Variants in ITGA3 observed in about 807,000 individuals in gnomAD.
The protein encoded by ITGA3 is integrin subunit alpha 3, also known as integrin alpha-3.
In ITGA3, 70 loss-of-function variants were observed where a neutral mutation model predicts 131.1. That is an observed-to-expected ratio of 0.53 (90% confidence interval 0.44 to 0.65). The LOEUF is 0.65. ITGA3 is among the 30% of genes least tolerant of loss of function. ITGA3 has a pLI of 0.00. For missense variants in ITGA3, 1,098 were observed against 1,388.6 expected, an observed-to-expected ratio of 0.79 and a Z score of 3.33; for synonymous variants, 537 against 571.6, an observed-to-expected ratio of 0.94 and a Z score of 0.86.
intron 6 of ITGA3, 199 bp from the exon 7 acceptor site, chr17:50,071,787 G>T (rs1045164391): frequency 6.8e-5 from 42 of 619,366 alleles, no homozygotes; most frequent in Non-Finnish European, 1.1e-5. Flanking sequence ...GCGTCTCCAT[G>T]ACATATGTCT....
At chr17:50,080,986 T>C (rs1357195418) in intron 22 of ITGA3, 2 of 310,406 alleles carry the variant, frequency 6.4e-6, no homozygotes, top group Non-Finnish European at 1.2e-5. Context: ...GACAAATGAA[T>C]GGGTGTGGCC....
At chr17:50,061,989 G>A (rs1245597347) in intron 1 of ITGA3, among the ~76,000 whole-genome samples, 2 of 147,784 alleles carry the variant, frequency 1.4e-5, no homozygotes, top group East Asian at 2.0e-4. Context: ...GCAGTGAGCC[G>A]AGGTTGTGCC....
In ITGA3 at chr17:50,056,562, A is replaced by G; in HGVS notation, c.123A>G (p.Val41=). 1.3e-6 allele frequency: 2 copies of G among 1,573,704 alleles called. No individual in the cohort carries two copies. The highest frequency in any genetic ancestry group is 8.6e-7 in the Non-Finnish European group (1 of 1,160,570). Reference sequence around the variant, plus strand: ...TCAACCTGGATACCCGATTCCTGGTAGTGAAGGAGGCCGGGAACCCGGGCA... The same window carrying G: ...TCAACCTGGATACCCGATTCCTGGTGGTGAAGGAGGCCGGGAACCCGGGCA... ...SAFNLDTRFL[V]VKEAGNPGSL... The change falls in exon 1 of 26, where the codon GTA becomes GTG. Residue 41 remains valine (V), a synonymous_variant. Coordinates refer to ENST00000320031, the MANE Select transcript of ITGA3 (RefSeq NM_002204.4). The surrounding 1 kb of genome is among the most constrained non-coding windows in gnomAD (Gnocchi z 5.6).
intron 1 of ITGA3, among the ~76,000 whole-genome samples, chr17:50,062,784 G>A (rs1375658185): frequency 1.3e-5 from 2 of 152,266 alleles, no homozygotes; most frequent in African/African-American, 4.8e-5. Flanking sequence ...CTGGCAGGAG[G>A]CCCAGAGCCC....
At chr17:50,080,456 T>C (rs1402626072) in intron 22 of ITGA3, 81 bp downstream of exon 22, 6 of 644,182 alleles carry the variant, frequency 9.3e-6, no homozygotes, top group Non-Finnish European at 1.0e-5. Flanking sequence ...TCCAGGGTCA[T>C]AGCATGGGTG....
chr17:50,070,082 C>T (rs1908554319), intron 4 of ITGA3, among the ~76,000 whole-genome samples: 1 of 152,190 alleles, frequency 6.6e-6, no homozygotes, highest in Non-Finnish European at 1.5e-5. Flanking sequence ...TTGGCAAAGT[C>T]ACAGATACTC....
At position 50,070,875 on chromosome 17, in the gene ITGA3, G is replaced by A. The variant is rs775371538; in HGVS notation, c.696G>A (p.Trp232Ter). The change falls in exon 5 of 26, where the codon TGG becomes TGA. Residue 232 changes from tryptophan to a stop codon, truncating the protein, a stop_gained. Transcript: ENST00000320031. LOFTEE classifies it high-confidence loss of function. Reference protein sequence around the residue: ...GNSYMIQRKEWDLSEYSYKDP... With the variant: ...GNSYMIQRKE ...GCTACATGATTCAGCGCAAGGAGTG[G>A]GACTTATCTGAGTATAGTTACAAGG... 1.9e-6 allele frequency: 3 copies of A among 1,612,706 alleles called. No homozygotes were observed. Among genetic ancestry groups the A allele is most frequent in the Non-Finnish European group, 2.5e-6 (3 of 1,178,952 alleles).
At chr17:50,073,879 G>A (rs750476435) in intron 7 of ITGA3, 37 bp from the exon 8 acceptor site, 1 of 1,508,390 alleles carries the variant, frequency 6.6e-7, no homozygotes, top group South Asian at 1.1e-5. Context: ...GGGGCCCAGA[G>A]TACCTGGGTG....
At position 50,085,936 on chromosome 17, in the gene ITGA3, T is replaced by TTATAG. The variant is rs1206364262; in HGVS notation, c.2920-1808_2920-1807insTATAG. Among the ~76,000 whole-genome samples, 15 of 106,994 alleles carry TTATAG rather than the reference T, an allele frequency of 1.4e-4. 4 individuals carry two copies. Among genetic ancestry groups the TTATAG allele is most frequent in the African/African-American group, 4.7e-4 (14 of 29,568 alleles). 70.2% of individuals were successfully genotyped at this position (106,994 alleles called of 152,430 possible). On this transcript the variant is annotated intron_variant, in intron 23 of 25. Transcript: ENST00000320031. Reference sequence around the variant, plus strand: ...TTTATAATATATATTAGATTATACATATTATAGATTTATAATATATATTAG... The same window carrying TTATAG: ...TTTATAATATATATTAGATTATACATTATAGATTATAGATTTATAATATATATTAG...
Position 50,064,786 on chromosome 17 carries a change from G to A in ITGA3, c.414+179G>A, listed in dbSNP as rs1315546844. The A allele has an allele frequency of 3.5e-6, 2 of 575,020 alleles. No individual in the cohort carries two copies. Among genetic ancestry groups the A allele is most frequent in the Middle Eastern group, 4.5e-4 (1 of 2,220 alleles). 35.6% of individuals were successfully genotyped at this position (575,020 alleles called of 1,614,324 possible). ...CTCTCTGCACTCCTGGGGAGGGGGTGAGTATCCTGTGCTCTCCCAAACCCC... is the reference window on the plus strand; with the variant it reads ...CTCTCTGCACTCCTGGGGAGGGGGTAAGTATCCTGTGCTCTCCCAAACCCC... On this transcript the variant is annotated intron_variant, in intron 3 of 25. Transcript: ENST00000320031. This position sits in a 1 kb window ranked among gnomAD's most constrained non-coding sequence, Gnocchi z 4.4.
At chr17:50,085,701 A>T (rs1308250195) in intron 23 of ITGA3, among the ~76,000 whole-genome samples, 1 of 124,376 alleles carries the variant, frequency 8.0e-6, no homozygotes. Context: ...AATATATATT[A>T]GATTATACAT....
chr17:50,057,560 G>C (rs1356983144), intron 1 of ITGA3, among the ~76,000 whole-genome samples: 1 of 152,184 alleles, frequency 6.6e-6, no homozygotes, highest in African/African-American at 2.4e-5. Context: ...TCTCTGCCGT[G>C]GCCTCAGAGC....
intron 3 of ITGA3, chr17:50,066,078 G>C (rs1310705815): frequency 6.6e-6 from 1 of 151,022 alleles, no homozygotes; most frequent in East Asian, 1.9e-4. Flanking sequence ...AACCAGGCTG[G>C]AGTATAGTGG....
intron 8 of ITGA3, 54 bp from the exon 9 acceptor site, chr17:50,074,090 C>T: frequency 6.5e-7 from 1 of 1,548,144 alleles, no homozygotes; most frequent in East Asian, 2.2e-5. Context: ...TTCCCTGTAG[C>T]CCCCTGGGCC....
intron 14 of ITGA3, 71 bp downstream of exon 14, chr17:50,076,752 G>C: frequency 7.2e-7 from 1 of 1,388,372 alleles, no homozygotes; most frequent in Non-Finnish European, 1.0e-6. Context: ...GCAGGGTGGG[G>C]GCGGGGCCTC....
At chr17:50,084,230 C>CAAAA (rs61103198) in intron 23 of ITGA3, among the ~76,000 whole-genome samples, 750 of 26,954 alleles carry the variant, frequency 0.028, 91 homozygotes, top group African/African-American at 0.073. Flanking sequence ...GACTCTGTCT[C>CAAAA]AAAAAAAAAA....
Position 50,079,458 on chromosome 17 carries a change from C to G in ITGA3, c.2607C>G (p.Ser869=). 1 of 1,573,824 alleles carries G rather than the reference C, an allele frequency of 6.4e-7. No homozygotes were observed. Among genetic ancestry groups the G allele is most frequent in the Non-Finnish European group, 8.6e-7 (1 of 1,160,418 alleles). ...AGGACCCTGGGGACAGGCCATCATCCCCACAGCGCAGGCGGCGACAGCTGG... is the reference window on the plus strand; with the variant it reads ...AGGACCCTGGGGACAGGCCATCATCGCCACAGCGCAGGCGGCGACAGCTGG... ...TLSDPGDRPS[S]PQRRRRQLDP... Residue 869 remains serine, a synonymous_variant, in exon 21 of 26, where the codon TCC becomes TCG. Coordinates refer to ENST00000320031, the MANE Select transcript of ITGA3 (RefSeq NM_002204.4).
chr17:50,081,491 C>A, intron 23 of ITGA3, 83 bp downstream of exon 23: 1 of 998,584 alleles, frequency 1.0e-6, no homozygotes, highest in Non-Finnish European at 1.5e-6. Flanking sequence ...CACTGACGCA[C>A]TTCAGCCATA....
chr17:50,089,378 G>C lies in ITGA3; in HGVS notation c.*300G>C. Reference sequence around the variant, plus strand: ...CACCACCTTTGGCTGGTAGCAGCAGGCTCAGGCACATACACCTCGTCAAGA... The same window carrying C: ...CACCACCTTTGGCTGGTAGCAGCAGCCTCAGGCACATACACCTCGTCAAGA... On this transcript the variant is annotated 3_prime_UTR_variant, in exon 26 of 26. Coordinates refer to ENST00000320031, the MANE Select transcript of ITGA3 (RefSeq NM_002204.4). The C allele has an allele frequency of 1.2e-6, 1 of 856,760 alleles. No individual in the cohort carries two copies. Among genetic ancestry groups the C allele is most frequent in the Non-Finnish European group, 1.8e-6 (1 of 550,748 alleles). 53.1% of individuals were successfully genotyped at this position (856,760 alleles called of 1,614,324 possible).
Sources: allele counts gnomAD v4.1 joint callset (sites outside exome capture counted in the v4.1 genomes callset), GRCh38; gene constraint gnomAD v4.1.1; non-coding constraint Gnocchi (gnomAD v3.1); transcripts MANE v1.5; gene names NCBI Gene and HGNC (gene_info 2026-07-23, HGNC 2026-07-21).